The following LRP1B variants were observed in gnomAD, a reference collection of about 807,000 sequenced individuals.
LRP1B encodes the protein low-density lipoprotein receptor-related protein 1B.
Under a neutral mutation model 556.6 loss-of-function variants are expected in LRP1B, and 217 were observed. That is an observed-to-expected ratio of 0.39 (90% CI 0.35 to 0.44). The LOEUF (loss-of-function observed/expected upper bound fraction) is 0.44. LRP1B is among the 20% of genes least tolerant of loss of function. The probability of loss-of-function intolerance (pLI) is 1.00; values close to 1 mark genes in which losing one functional copy is unlikely to be tolerated. For missense variants in LRP1B, 5,053 were observed against 5,620.8 expected, an observed-to-expected ratio of 0.90 and a Z score of 3.23; for synonymous variants, 2,047 against 1,865.8, an observed-to-expected ratio of 1.10 and a Z score of -2.50.
intron 27 of LRP1B, among the ~76,000 whole-genome samples, chr2:140,862,823 A>G (rs1244616709): frequency 1.3e-5 from 2 of 152,220 alleles, no homozygotes; most frequent in East Asian, 1.9e-4. Context: ...TTGCCATTAC[A>G]GGGAAGCATC....
chr2:140,495,840 T>C lies in LRP1B; in HGVS notation c.8851-92A>G, dbSNP rs957295754. On this transcript the variant is annotated intron_variant, in intron 55 of 90. Coordinates refer to ENST00000389484, the MANE Select transcript of LRP1B (RefSeq NM_018557.3). ...CTTTAGCATTAAGCAAGAAAAGCAT[T>C]TGAAAATAGATAAAGGCAAGTCTTT... The C allele has an allele frequency of 9.4e-6, 9 of 955,054 alleles. No individual in the cohort carries two copies. The African/African-American group carries it at 1.1e-4, about 12-fold the overall frequency. The allele number at this position is 955,054 out of a possible 1,614,324, so 59.2% of individuals were successfully genotyped here.
intron 3 of LRP1B, among the ~76,000 whole-genome samples, chr2:141,435,525 C>A (rs1445543688): frequency 6.6e-6 from 1 of 152,180 alleles, no homozygotes; most frequent in Non-Finnish European, 1.5e-5. Flanking sequence ...TCAGTGTCCT[C>A]AGGTAAAGCT....
chr2:141,253,519 C>T (rs761622914), intron 4 of LRP1B, among the ~76,000 whole-genome samples: 3 of 152,082 alleles, frequency 2.0e-5, no homozygotes, highest in Non-Finnish European at 4.4e-5. Flanking sequence ...ACTAAGTGGG[C>T]TCTGCAGACA....
intron 86 of LRP1B, among the ~76,000 whole-genome samples, chr2:140,253,529 A>C (rs1681546865): frequency 6.6e-6 from 1 of 152,102 alleles, no homozygotes; most frequent in Non-Finnish European, 1.5e-5. Flanking sequence ...TGAGTGATTT[A>C]AGTTAGAAAT....
intron 2 of LRP1B, among the ~76,000 whole-genome samples, chr2:141,662,686 C>T (rs2105398272): frequency 6.6e-6 from 1 of 152,120 alleles, no homozygotes; most frequent in East Asian, 1.9e-4. Context: ...AAAATGAGTT[C>T]TTAGAGACCT....
chr2:140,851,635 A>C lies in LRP1B; in HGVS notation c.4711+17T>G, dbSNP rs1559156317. 1 of 1,603,562 alleles carries C rather than the reference A, an allele frequency of 6.2e-7. No individual in the cohort carries two copies. Among genetic ancestry groups the C allele is most frequent in the Non-Finnish European group, 8.5e-7 (1 of 1,176,660 alleles). On this transcript the variant is annotated intron_variant, in intron 28 of 90. Coordinates refer to ENST00000389484, the MANE Select transcript of LRP1B (RefSeq NM_018557.3). ...CAATTTTGTTTTTATTTTCGATTAGAACTGTAAGAAATTTACCATAGCAGG... is the reference window on the plus strand; with the variant it reads ...CAATTTTGTTTTTATTTTCGATTAGCACTGTAAGAAATTTACCATAGCAGG...
chr2:141,369,454 A>G (rs1169273956), intron 3 of LRP1B, among the ~76,000 whole-genome samples: 3 of 152,134 alleles, frequency 2.0e-5, no homozygotes, highest in Admixed American at 6.5e-5. Context: ...AAAAATATCA[A>G]TGTTGAAGCC....
intron 89 of LRP1B, among the ~76,000 whole-genome samples, chr2:140,236,451 GAGAAAA>G: frequency 6.6e-6 from 1 of 150,890 alleles, no homozygotes; most frequent in African/African-American, 2.4e-5. Context: ...TCTTAATTTA[GAGAAAA>G]AATATTCTAA....
intron 43 of LRP1B, among the ~76,000 whole-genome samples, chr2:140,561,120 G>C (rs1680913086): frequency 6.6e-6 from 1 of 152,118 alleles, no homozygotes; most frequent in Non-Finnish European, 1.5e-5. Flanking sequence ...TCCCCAATGT[G>C]AGTGATAGAA....
chr2:141,101,843 T>C (rs1370471132), intron 7 of LRP1B, among the ~76,000 whole-genome samples: 1 of 152,102 alleles, frequency 6.6e-6, no homozygotes. Flanking sequence ...TTTGCCTTGG[T>C]ATCTCTTCAA....
chr2:141,405,643 A>T (rs1266543901), intron 3 of LRP1B, among the ~76,000 whole-genome samples: 2 of 152,106 alleles, frequency 1.3e-5, no homozygotes, highest in African/African-American at 2.4e-5. Flanking sequence ...TACTTATTTT[A>T]AAAAATGATT....
chr2:141,099,344 T>C (rs1228432325), intron 7 of LRP1B, among the ~76,000 whole-genome samples: 1 of 152,202 alleles, frequency 6.6e-6, no homozygotes, highest in Non-Finnish European at 1.5e-5. Context: ...TCTAGTGAAA[T>C]ATTTTTAAAT....
intron 51 of LRP1B, among the ~76,000 whole-genome samples, chr2:140,510,427 T>A (rs2104919096): frequency 6.6e-6 from 1 of 152,342 alleles, no homozygotes; most frequent in East Asian, 1.9e-4. Context: ...TTTTTATTGC[T>A]TAATACGTGC....
chr2:141,182,130 G>C (rs530722392), intron 7 of LRP1B, among the ~76,000 whole-genome samples: 330 of 152,038 alleles, frequency 2.2e-3, no homozygotes, highest in Admixed American at 3.5e-3. Context: ...AATTCTCCAT[G>C]AACTTAACTA....
rs142337166 is a variant in LRP1B, at chr2:141,106,205, G to A, written c.1014-43932C>T. Among the ~76,000 whole-genome samples, 371 of 152,182 alleles carry A rather than the reference G, an allele frequency of 2.4e-3. 1 individual carries two copies. The highest frequency in any genetic ancestry group is 0.01 in the Middle Eastern group (3 of 292). Reference sequence around the variant, plus strand: ...GCCTTATCTTCTAACCAATTTTTCTGAAATTAAATATTTATGTCATCGACA... The same window carrying A: ...GCCTTATCTTCTAACCAATTTTTCTAAAATTAAATATTTATGTCATCGACA... On this transcript the variant is annotated intron_variant, in intron 7 of 90. Coordinates refer to ENST00000389484, the MANE Select transcript of LRP1B (RefSeq NM_018557.3).
chr2:140,427,234 T>C (rs534687424), intron 66 of LRP1B, among the ~76,000 whole-genome samples: 1 of 152,280 alleles, frequency 6.6e-6, no homozygotes, highest in African/African-American at 2.4e-5. Context: ...CGAGGACGCC[T>C]GCCTTGATCA....
chr2:140,237,059 T>C (rs1379421769), intron 89 of LRP1B, among the ~76,000 whole-genome samples: 1 of 150,942 alleles, frequency 6.6e-6, no homozygotes, highest in Non-Finnish European at 1.5e-5. Context: ...TTTTTAAATA[T>C]ACAATACAAT....
intron 7 of LRP1B, among the ~76,000 whole-genome samples, chr2:141,179,286 C>T (rs571495520): frequency 1.3e-5 from 2 of 152,012 alleles, no homozygotes; most frequent in South Asian, 2.1e-4. Flanking sequence ...AAATTAGATT[C>T]CCAATGCTAC....
At chr2:141,490,900 C>CCCTCCCT (rs1322412848) in intron 2 of LRP1B, among the ~76,000 whole-genome samples, 3 of 149,902 alleles carry the variant, frequency 2.0e-5, no homozygotes, top group African/African-American at 7.3e-5. Flanking sequence ...TCCTTCGTCC[C>CCCTCCCT]CCTCCCTCCA....
Sources: allele counts gnomAD v4.1 joint callset (sites outside exome capture counted in the v4.1 genomes callset), GRCh38; gene constraint gnomAD v4.1.1; transcripts MANE v1.5; gene names NCBI Gene and HGNC (gene_info 2026-07-23, HGNC 2026-07-21).